Variants in BUB1 observed in about 807,000 individuals in gnomAD.
BUB1 encodes the protein BUB1 mitotic checkpoint serine/threonine kinase.
BUB1 carries 84 observed loss-of-function variants against 135.2 expected under a neutral mutation model. The ratio of observed to expected loss-of-function variants is 0.62; its 90% confidence interval spans 0.52 to 0.74. The LOEUF is 0.74. BUB1 is among the 30% of genes least tolerant of loss of function. The pLI, the probability that BUB1 is intolerant of heterozygous loss-of-function variation, is 0.00. For missense variants in BUB1, 1,162 were observed against 1,288.3 expected (o/e 0.90, Z 1.50); for synonymous variants, 403 against 434.4 (o/e 0.93, Z 0.90).
In BUB1 at chr2:110,659,794, A is replaced by C. The variant is rs372534013; in HGVS notation, c.1276+184T>G. Among the ~76,000 whole-genome samples the C allele has an allele frequency of 3.9e-5, 6 of 152,328 alleles. No individual in the cohort carries two copies. In the East Asian group the frequency reaches 9.6e-4, roughly 24 times the overall value. On this transcript the variant is annotated intron_variant, in intron 11 of 24. Transcript: ENST00000302759. ...AAGAATGTTAAAGAAGATGAGACTAACAAGTGGATTTCTACATTTATTTGA... is the reference window on the plus strand; with the variant it reads ...AAGAATGTTAAAGAAGATGAGACTACCAAGTGGATTTCTACATTTATTTGA...
At chr2:110,662,788 T>A (rs955639307) in intron 9 of BUB1, among the ~76,000 whole-genome samples, 1 of 150,710 alleles carries the variant, frequency 6.6e-6, no homozygotes, top group African/African-American at 2.4e-5. Context: ...GATGACAGAG[T>A]GAGCCCCTGC....
intron 1 of BUB1, among the ~76,000 whole-genome samples, chr2:110,675,857 C>T (rs1462319224): frequency 2.0e-5 from 3 of 152,038 alleles, no homozygotes; most frequent in East Asian, 1.9e-4. Context: ...CACTATATTT[C>T]GCAGGCTGGT....
intron 6 of BUB1, 144 bp downstream of exon 6, chr2:110,669,309 C>T: frequency 1.6e-6 from 1 of 635,100 alleles, no homozygotes; most frequent in Non-Finnish European, 2.8e-6. Context: ...GAAGTTGCCA[C>T]AGGAGCAGGT....
chr2:110,651,100 C>CAAG (rs1412407065), intron 17 of BUB1, among the ~76,000 whole-genome samples: 2 of 152,162 alleles, frequency 1.3e-5, no homozygotes, highest in African/African-American at 4.8e-5. Flanking sequence ...CTACTATCAT[C>CAAG]AAGACTGAAT....
Position 110,648,363 on chromosome 2 carries a change from C to T in BUB1, c.2347+871G>A, listed in dbSNP as rs1294961561. On this transcript the variant is annotated intron_variant, in intron 19 of 24. Transcript: ENST00000302759. The surrounding 1 kb of genome is among the most constrained non-coding windows in gnomAD (Gnocchi z 4.2). The stretch of plus-strand genomic sequence containing the variant: ...AGGCAAAACTACACAGACAGCAAAA[C>T]AATCAGTGGTTGCCAGGCGTTGGGG... Among the ~76,000 whole-genome samples the T allele has an allele frequency of 6.6e-6, 1 of 152,046 alleles. No homozygotes were observed. The highest frequency in any genetic ancestry group is 1.5e-5 in the Non-Finnish European group (1 of 68,002).
At chr2:110,643,245 A>T (rs566648422) in intron 19 of BUB1, among the ~76,000 whole-genome samples, 2 of 152,294 alleles carry the variant, frequency 1.3e-5, no homozygotes, top group East Asian at 3.9e-4. Context: ...AGCTTGCCAA[A>T]CTAGAAGCCC....
At chr2:110,666,228 T>C (rs1359994172) in intron 9 of BUB1, 35 bp downstream of exon 9, 3 of 1,317,470 alleles carry the variant, frequency 2.3e-6, no homozygotes, top group Non-Finnish European at 2.9e-6. Context: ...TTCCTGCTGC[T>C]GGGCACAGGA....
At chr2:110,662,569 G>A (rs1269173120) in intron 9 of BUB1, among the ~76,000 whole-genome samples, 1 of 152,208 alleles carries the variant, frequency 6.6e-6, no homozygotes, top group East Asian at 1.9e-4. Flanking sequence ...GGAGACCGAG[G>A]CTGGTGGTTT....
rs368719614 is a variant in BUB1 at position 110,677,967 on chromosome 2, T to C, written c.26+3A>G. 197 of 1,609,014 alleles carry C rather than the reference T, an allele frequency of 1.2e-4. No individual in the cohort carries two copies. The highest frequency in any genetic ancestry group is 1.6e-4 in the Non-Finnish European group (192 of 1,177,990). On this transcript the variant is annotated splice_donor_region_variant and intron_variant, in intron 1 of 24. Transcript: ENST00000302759. ...TTCCCCACCCCACCAGACGGACACT[T>C]ACTGAAGGACATTTTCCGGGGTGTC... is the stretch of plus-strand genomic sequence containing the variant.
At position 110,672,717 on chromosome 2, in the gene BUB1, A is replaced by G. The variant is rs765197453; in HGVS notation, c.366T>C (p.Leu122=). Residue 122 remains leucine, a synonymous_variant, in exon 4 of 25, where the codon CTT becomes CTC. Transcript: ENST00000302759. ...CAGCCTGGTTTTGAATTCCTCTCTG[A>G]AGGACAGCACTGGCATGCTGCAGCT... ...QGELQHASAV[L]QRGIQNQAEP... is the part of the protein sequence containing the mutation. The G allele has an allele frequency of 1.4e-5, 22 of 1,613,362 alleles. No homozygotes were observed. The highest frequency in any genetic ancestry group is 1.9e-5 in the Non-Finnish European group (22 of 1,179,704).
At chr2:110,672,448 A>G (rs941393241) in intron 4 of BUB1, among the ~76,000 whole-genome samples, 8 of 152,234 alleles carry the variant, frequency 5.3e-5, no homozygotes, top group African/African-American at 1.9e-4. Context: ...AGATACCCAC[A>G]CAGGTACAGG....
At chr2:110,649,422 G>A in intron 18 of BUB1, 45 bp from the exon 19 acceptor site, 2 of 1,501,926 alleles carry the variant, frequency 1.3e-6, no homozygotes, top group Non-Finnish European at 8.9e-7. Flanking sequence ...CATGAATTGA[G>A]TACTCAAGAA....
At chr2:110,645,585 A>ATGTGTGTGTGTGTGTGTATGTG (rs1689622976) in intron 19 of BUB1, among the ~76,000 whole-genome samples, 1 of 146,610 alleles carries the variant, frequency 6.8e-6, no homozygotes, top group South Asian at 2.2e-4. Context: ...CGTTACGTGT[A>ATGTGTGTGTGTGTGTGTATGTG]TGTGTGTGTG....
intron 18 of BUB1, among the ~76,000 whole-genome samples, chr2:110,649,659 C>T (rs887951344): frequency 2.6e-5 from 4 of 152,252 alleles, no homozygotes; most frequent in South Asian, 2.1e-4. Flanking sequence ...TCAACTGGAA[C>T]GGCTAGATTC....
Position 110,660,033 on chromosome 2 carries a change from A to G in BUB1, c.1221T>C (p.Cys407=). The G allele has an allele frequency of 2.5e-6, 4 of 1,610,896 alleles. No individual in the cohort carries two copies. Among genetic ancestry groups the G allele is most frequent in the Non-Finnish European group, 3.4e-6 (4 of 1,177,580 alleles). ...MFAVASKDAG[C]VNKSTHEFKP... ...TGAATTCATGAGTACTCTTATTCACACATCTGGAAGAGAAAACTCTTGAGA... is the reference window on the plus strand; with the variant it reads ...TGAATTCATGAGTACTCTTATTCACGCATCTGGAAGAGAAAACTCTTGAGA... Residue 407 remains cysteine, a synonymous_variant, in exon 11 of 25, where the codon TGT becomes TGC. Transcript: ENST00000302759.
intron 5 of BUB1, 105 bp downstream of exon 5, chr2:110,670,420 G>A: frequency 1.5e-6 from 2 of 1,330,466 alleles, no homozygotes; most frequent in Non-Finnish European, 1.1e-6. Flanking sequence ...TTACAGGTGT[G>A]AGCCACCATG....
intron 9 of BUB1, among the ~76,000 whole-genome samples, chr2:110,665,571 TTGTGTGTGTGTGTGTGTG>T (rs34442113): frequency 7.1e-6 from 1 of 141,082 alleles, no homozygotes; most frequent in South Asian, 2.3e-4. Flanking sequence ...AAAAGAATGT[TTGTGTGTGTGTGTGTGTG>T]TGTGTGTGTG....
At chr2:110,676,318 C>G (rs1031040440) in intron 1 of BUB1, among the ~76,000 whole-genome samples, 34 of 152,226 alleles carry the variant, frequency 2.2e-4, no homozygotes, top group African/African-American at 8.2e-4. Context: ...CTTCACTCAT[C>G]AGATTGGCAA....
Position 110,649,366 on chromosome 2 carries a change from C to T in BUB1, c.2215G>A (p.Gly739Arg), listed in dbSNP as rs777237844. 2.0e-6 allele frequency: 3 copies of T among 1,518,194 alleles called. No homozygotes were observed. The African/African-American group carries it at 4.5e-5, about 23-fold the overall frequency. The allele number at this position is 1,518,194 out of a possible 1,614,324, so 94.0% of individuals were successfully genotyped here. A position where few individuals can be genotyped will look rare whatever the true frequency, so the allele number is the denominator to read the frequency against. The stretch of plus-strand genomic sequence containing the variant: ...ATCAGCTTATCATCCCATGGGTTCC[C>T]AACAATGAAGTCTTAAAGGAATGAG... ...GTVDAPNFIV[G>R]NPWDDKLIFK... is the part of the protein sequence containing the mutation. The change falls in exon 19 of 25, where the codon GGG becomes AGG. Residue 739 changes from glycine (G) to arginine (R), a missense_variant. Gly to Arg is a moderately radical substitution (Grantham distance 125). Transcript: ENST00000302759.
Sources: gnomAD v4.1 joint callset for allele counts (sites outside exome capture counted in the v4.1 genomes callset) on GRCh38, gnomAD v4.1.1 for gene constraint, Gnocchi (gnomAD v3.1) non-coding constraint, MANE v1.5 for transcripts, NCBI Gene and HGNC (gene_info 2026-07-23, HGNC 2026-07-21) for gene names.